ENTREP2: variants seen among roughly 807,000 people sequenced by gnomAD.
ENTREP2 encodes endosomal transmembrane epsin interactor 2.
the ENTREP2 span, among the ~76,000 whole-genome samples, chr15:29,510,972 TAA>T: frequency 6.6e-6 from 1 of 151,934 alleles, no homozygotes; most frequent in East Asian, 1.9e-4. Context: ...TTCTCACTCA[TAA>T]GTGGGAGGTG....
At chr15:29,355,533 A>G in the ENTREP2 span, among the ~76,000 whole-genome samples, 1 of 151,834 alleles carries the variant, frequency 6.6e-6, no homozygotes, top group African/African-American at 2.4e-5. Flanking sequence ...CACTTGGAGG[A>G]TCAGAAGCTG....
the ENTREP2 span, among the ~76,000 whole-genome samples, chr15:29,529,041 C>T: frequency 0.011 from 1,725 of 150,964 alleles, 28 homozygotes; most frequent in African/African-American, 0.04. Flanking sequence ...TCCCCAGCCA[C>T]TGTGGCTAGT....
the ENTREP2 span, among the ~76,000 whole-genome samples, chr15:29,371,393 A>G: frequency 3.2e-5 from 4 of 124,800 alleles, no homozygotes; most frequent in Non-Finnish European, 6.6e-5. Context: ...CACGAAACCA[A>G]CTAATCCAAC....
chr15:29,278,476 G>C, the ENTREP2 span, among the ~76,000 whole-genome samples: 1 of 152,208 alleles, frequency 6.6e-6, no homozygotes, highest in East Asian at 1.9e-4. Context: ...CAGGCTAACT[G>C]CTGCCAGGCT....
At chr15:29,312,661 A>G in the ENTREP2 span, among the ~76,000 whole-genome samples, 1 of 152,208 alleles carries the variant, frequency 6.6e-6, no homozygotes, top group African/African-American at 2.4e-5. Flanking sequence ...AACTGTGCCC[A>G]TATAAGGCAG....
At chr15:29,158,343 C>T in the ENTREP2 span, among the ~76,000 whole-genome samples, 7 of 151,432 alleles carry the variant, frequency 4.6e-5, no homozygotes, top group African/African-American at 1.7e-4. Context: ...CGCAAACCAC[C>T]TGGTATTGCG....
At chr15:29,653,445 T>C in the ENTREP2 span, among the ~76,000 whole-genome samples, 12 of 152,190 alleles carry the variant, frequency 7.9e-5, no homozygotes, top group Admixed American at 1.3e-4. Flanking sequence ...TGAGTTGTAA[T>C]CCCCATAATC....
the ENTREP2 span, chr15:29,612,703 C>G: frequency 1.9e-5 from 3 of 155,124 alleles, no homozygotes; most frequent in South Asian, 6.0e-4. Context: ...GTAGCTGGAC[C>G]ACATCTTGGT....
the ENTREP2 span, among the ~76,000 whole-genome samples, chr15:29,643,795 A>AAAAGAAAG: frequency 5.9e-4 from 87 of 148,108 alleles, no homozygotes; most frequent in South Asian, 1.1e-3. Flanking sequence ...AAAAAAAAAA[A>AAAAGAAAG]AAAGAAAGAA....
At chr15:29,157,872 G>GGA in the ENTREP2 span, among the ~76,000 whole-genome samples, 2 of 152,042 alleles carry the variant, frequency 1.3e-5, no homozygotes, top group Non-Finnish European at 2.9e-5. Context: ...TGGGATTACA[G>GGA]GCATACGCCA....
At chr15:29,660,998 A>G in the ENTREP2 span, among the ~76,000 whole-genome samples, 1 of 152,214 alleles carries the variant, frequency 6.6e-6, no homozygotes, top group East Asian at 1.9e-4. Context: ...GGACAACTCT[A>G]TAATTATTGT....
chr15:29,421,686 C>G, the ENTREP2 span, among the ~76,000 whole-genome samples: 1 of 152,152 alleles, frequency 6.6e-6, no homozygotes, highest in Non-Finnish European at 1.5e-5. Context: ...ACACTAGCAT[C>G]TATAAAACCT....
the ENTREP2 span, among the ~76,000 whole-genome samples, chr15:29,401,743 T>C: frequency 6.6e-6 from 1 of 152,164 alleles, no homozygotes; most frequent in Non-Finnish European, 1.5e-5. Context: ...TGAGTAGCAA[T>C]AAAGGGCTAG....
chr15:29,244,613 C>T, the ENTREP2 span, among the ~76,000 whole-genome samples: 2 of 152,192 alleles, frequency 1.3e-5, no homozygotes, highest in Non-Finnish European at 2.9e-5. Flanking sequence ...AGGGAAGCAG[C>T]GTGGTGGCCT....
At chr15:29,436,050 A>C in the ENTREP2 span, among the ~76,000 whole-genome samples, 6 of 152,306 alleles carry the variant, frequency 3.9e-5, no homozygotes, top group East Asian at 1.2e-3. Context: ...ACTCAGGTGT[A>C]CAAGGAATGA....
chr15:29,607,273 T>C, the ENTREP2 span, among the ~76,000 whole-genome samples: 1 of 151,988 alleles, frequency 6.6e-6, no homozygotes, highest in African/African-American at 2.4e-5. Context: ...CAATGTTCAC[T>C]ACTTTCTCTT....
chr15:29,148,715 TG>T, the ENTREP2 span, among the ~76,000 whole-genome samples: 1 of 152,192 alleles, frequency 6.6e-6, no homozygotes, highest in Non-Finnish European at 1.5e-5. Context: ...AAGCCTTTTC[TG>T]AGAGTCAGTC....
chr15:29,640,765 T>A, the ENTREP2 span, among the ~76,000 whole-genome samples: 1 of 152,222 alleles, frequency 6.6e-6, no homozygotes. Context: ...TAAAGAATTA[T>A]ACTGATCTTT....
At chr15:29,610,494 A>G in the ENTREP2 span, 1 of 150,580 alleles carries the variant, frequency 6.6e-6, no homozygotes, top group African/African-American at 2.4e-5. Flanking sequence ...AAAGAAAAAA[A>G]CAAAACAAAA....
Sources: allele counts gnomAD v4.1 joint callset (sites outside exome capture counted in the v4.1 genomes callset), GRCh38; gene constraint gnomAD v4.1.1; transcripts MANE v1.5; gene names NCBI Gene and HGNC (gene_info 2026-07-23, HGNC 2026-07-21).